The following DNAJB6 variants were observed in gnomAD, a reference collection of about 807,000 sequenced individuals.
DNAJB6 encodes the protein dnaJ homolog subfamily B member 6.
A neutral mutation model predicts 42.7 loss-of-function variants in DNAJB6; 16 were observed. That is an observed-to-expected ratio of 0.37 (90% CI 0.25 to 0.57). DNAJB6 has a LOEUF of 0.57. Among genes scored for constraint, DNAJB6 ranks in the 20% least tolerant of loss-of-function variants. The probability of loss-of-function intolerance (pLI) is 0.74; values close to 1 mark genes in which losing one functional copy is unlikely to be tolerated. For missense variants in DNAJB6, 347 were observed against 416.8 expected (o/e 0.83, Z 1.46); for synonymous variants, 170 against 163.5 (o/e 1.04, Z -0.30).
chr7:157,397,908 C>G (rs966539967), intron 8 of DNAJB6, among the ~76,000 whole-genome samples: 7 of 152,230 alleles, frequency 4.6e-5, no homozygotes, highest in Admixed American at 3.3e-4. Context: ...CCCAGCTACT[C>G]GGAAGGCTGA....
chr7:157,364,645 T>C (rs1484964660), intron 3 of DNAJB6, among the ~76,000 whole-genome samples: 2 of 152,162 alleles, frequency 1.3e-5, no homozygotes, highest in East Asian at 3.9e-4. Context: ...TCCTTGTTGT[T>C]TGTGTGCTAA....
chr7:157,396,591 G>A (rs1406135825), intron 8 of DNAJB6, among the ~76,000 whole-genome samples: 5 of 152,322 alleles, frequency 3.3e-5, no homozygotes, highest in Middle Eastern at 3.4e-3. Context: ...GCTGCAGTGC[G>A]CCCTGGGCCC....
chr7:157,397,392 C>T (rs529018510), intron 8 of DNAJB6, among the ~76,000 whole-genome samples: 4 of 152,310 alleles, frequency 2.6e-5, no homozygotes, highest in Admixed American at 6.5e-5. Flanking sequence ...GGTGCTGGGC[C>T]GGAACCTCTG....
chr7:157,388,562 CA>C (rs1255312709), intron 8 of DNAJB6, among the ~76,000 whole-genome samples: 3 of 150,968 alleles, frequency 2.0e-5, no homozygotes, highest in African/African-American at 7.3e-5. Flanking sequence ...GGTTTGTGCT[CA>C]ACTTCCCTGT....
At chr7:157,373,628 T>TG (rs1313406053) in intron 5 of DNAJB6, among the ~76,000 whole-genome samples, 1 of 152,172 alleles carries the variant, frequency 6.6e-6, no homozygotes, top group African/African-American at 2.4e-5. Flanking sequence ...TGGGATTACA[T>TG]GCGTGAGCCA....
chr7:157,351,258 T>C (rs1798956792), intron 1 of DNAJB6, among the ~76,000 whole-genome samples: 1 of 152,150 alleles, frequency 6.6e-6, no homozygotes, highest in Admixed American at 6.6e-5. Flanking sequence ...TTGAAAAGAA[T>C]GTTAAAGGTC....
chr7:157,392,246 A>G (rs753046555), intron 8 of DNAJB6, among the ~76,000 whole-genome samples: 30 of 152,068 alleles, frequency 2.0e-4, no homozygotes, highest in Non-Finnish European at 3.8e-4. Flanking sequence ...ATCCAGGGCA[A>G]GCATCTTGTG....
chr7:157,379,040 T>C (rs934952957), intron 5 of DNAJB6: 2 of 152,194 alleles, frequency 1.3e-5, no homozygotes, highest in Admixed American at 1.3e-4. Context: ...ATATTTAAGC[T>C]ACAAAATGTC....
At chr7:157,384,742 C>T (rs1245192885) in intron 6 of DNAJB6, 125 bp from the exon 7 acceptor site, 11 of 913,374 alleles carry the variant, frequency 1.2e-5, no homozygotes, top group East Asian at 9.9e-5. Context: ...ATAGTTGCGT[C>T]GTTTATTACT....
rs41267738 is a variant in DNAJB6 at position 157,366,849 on chromosome 7, A to G, written c.235+288A>G. 0.021 allele frequency among the ~76,000 whole-genome samples: 3,245 copies of G among 152,366 alleles called. 45 individuals carry two copies. Among genetic ancestry groups the G allele is most frequent in the East Asian group, 0.055 (286 of 5,184 alleles). On this transcript the variant is annotated intron_variant, in intron 4 of 9. Coordinates refer to ENST00000262177, the MANE Select transcript of DNAJB6 (RefSeq NM_058246.4). ...GATCAGCACTTGACGTTATGTCAAA[A>G]TATCCTAAGGGTTTAAAGAGCAGAT...
chr7:157,380,696 C>G (rs768600747), intron 5 of DNAJB6: 2 of 152,214 alleles, frequency 1.3e-5, no homozygotes, highest in Non-Finnish European at 2.9e-5. Flanking sequence ...CTCTTGGCCA[C>G]CTTTTCCAAA....
chr7:157,367,680 G>C (rs1009238092), intron 5 of DNAJB6, among the ~76,000 whole-genome samples, 197 bp downstream of exon 5: 1 of 152,146 alleles, frequency 6.6e-6, no homozygotes, highest in African/African-American at 2.4e-5. Context: ...GACCAACATG[G>C]AGAAGCCACG....
intron 8 of DNAJB6, among the ~76,000 whole-genome samples, chr7:157,405,871 TTC>T (rs1385940662): frequency 1.3e-5 from 2 of 152,228 alleles, no homozygotes; most frequent in Non-Finnish European, 2.9e-5. Flanking sequence ...TCCAGCCACT[TTC>T]TCTTTTTCAT....
chr7:157,382,150 A>G, intron 5 of DNAJB6, 96 bp from the exon 6 acceptor site: 1 of 1,382,118 alleles, frequency 7.2e-7, no homozygotes. Flanking sequence ...GTTCCTGAAT[A>G]TGTTACAAAC....
chr7:157,365,001 G>C (rs766409657), intron 3 of DNAJB6, among the ~76,000 whole-genome samples: 1 of 152,234 alleles, frequency 6.6e-6, no homozygotes, highest in African/African-American at 2.4e-5. Context: ...GCCCAGGCTG[G>C]AATGTAGTGG....
intron 1 of DNAJB6, among the ~76,000 whole-genome samples, chr7:157,354,231 T>C (rs987608878): frequency 1.2e-4 from 19 of 152,150 alleles, no homozygotes; most frequent in African/African-American, 4.6e-4. Context: ...CACCGCAGCC[T>C]CCGCTTCCTG....
chr7:157,344,584 A>G (rs1798588176), intron 1 of DNAJB6, among the ~76,000 whole-genome samples: 1 of 152,032 alleles, frequency 6.6e-6, no homozygotes, highest in South Asian at 2.1e-4. Flanking sequence ...TTCCAGCCTG[A>G]AATTATTTGT....
chr7:157,370,324 G>T (rs770944043), intron 5 of DNAJB6, among the ~76,000 whole-genome samples: 1 of 152,060 alleles, frequency 6.6e-6, no homozygotes, highest in East Asian at 1.9e-4. Flanking sequence ...TATTAAACGG[G>T]CCCCTTCTTA....
At chr7:157,342,128 G>A (rs1229289398) in intron 1 of DNAJB6, among the ~76,000 whole-genome samples, 1 of 151,804 alleles carries the variant, frequency 6.6e-6, no homozygotes, top group Non-Finnish European at 1.5e-5. Flanking sequence ...AAAGTGCTGG[G>A]ATTACAGGTG....
Sources: allele counts gnomAD v4.1 joint callset (sites outside exome capture counted in the v4.1 genomes callset), GRCh38; gene constraint gnomAD v4.1.1; transcripts MANE v1.5; gene names NCBI Gene and HGNC (gene_info 2026-07-23, HGNC 2026-07-21).